The following GPC6 variants were observed in gnomAD, a reference collection of about 807,000 sequenced individuals.
The protein encoded by GPC6 is glypican 6.
A neutral mutation model predicts 55.2 loss-of-function variants in GPC6; 14 were observed. That is an observed-to-expected ratio of 0.25 (90% CI 0.17 to 0.40). The LOEUF is 0.40. Among genes scored for constraint, GPC6 ranks in the 10% least tolerant of loss-of-function variants. GPC6 has a pLI of 1.00. For synonymous variants in GPC6, 278 were observed against 259.6 expected, an observed-to-expected ratio of 1.07 and a Z score of -0.68; for missense variants, 641 against 708.5, an observed-to-expected ratio of 0.90 and a Z score of 1.08.
chr13:93,593,904 G>A (rs935731428), intron 2 of GPC6, among the ~76,000 whole-genome samples: 1 of 151,944 alleles, frequency 6.6e-6, no homozygotes, highest in Non-Finnish European at 1.5e-5. Flanking sequence ...TATTTTGGGA[G>A]TATGCTGAAA....
intron 6 of GPC6, among the ~76,000 whole-genome samples, chr13:94,363,825 A>C (rs1161018804): frequency 6.6e-6 from 1 of 152,238 alleles, no homozygotes; most frequent in Non-Finnish European, 1.5e-5. Context: ...ATGTGTGACT[A>C]TTGAGCAATG....
chr13:93,516,800 C>T (rs1881215507), intron 1 of GPC6, among the ~76,000 whole-genome samples: 1 of 150,836 alleles, frequency 6.6e-6, no homozygotes. Flanking sequence ...CCTGTGGGCT[C>T]CTCTGAATTT....
intron 3 of GPC6, among the ~76,000 whole-genome samples, chr13:93,967,033 T>C (rs974130966): frequency 1.3e-5 from 2 of 152,128 alleles, no homozygotes; most frequent in African/African-American, 4.8e-5. Flanking sequence ...AAAATTTGGA[T>C]GGTAAGGCAG....
chr13:94,027,910 A>G lies in GPC6; in HGVS notation c.877+16A>G. 6.2e-7 allele frequency: 1 copy of G among 1,611,734 alleles called. No homozygotes were observed. The highest frequency in any genetic ancestry group is 8.5e-7 in the Non-Finnish European group (1 of 1,177,894). ...CTGTTTATAGGTAAGAAGTGTTTAA[A>G]TGGATCCGAGAACAGAGACGGGACA... On this transcript the variant is annotated intron_variant, in intron 4 of 8. Transcript: ENST00000377047.
Position 93,930,522 on chromosome 13 carries a change from C to T in GPC6, c.712-97207C>T, listed in dbSNP as rs186856088. Among the ~76,000 whole-genome samples, 288 of 152,138 alleles carry T rather than the reference C, an allele frequency of 1.9e-3. 1 individual carries two copies. The highest frequency in any genetic ancestry group is 2.5e-3 in the Non-Finnish European group (169 of 68,002). Reference sequence around the variant, plus strand: ...CTGACCTCAAGTGATCCACCCACCACGGCCTCCCAATATTCTGGGATTGCA... The same window carrying T: ...CTGACCTCAAGTGATCCACCCACCATGGCCTCCCAATATTCTGGGATTGCA... On this transcript the variant is annotated intron_variant, in intron 3 of 8. Transcript: ENST00000377047.
At chr13:93,895,245 T>C (rs1250199638) in intron 3 of GPC6, among the ~76,000 whole-genome samples, 1 of 61,690 alleles carries the variant, frequency 1.6e-5, no homozygotes, top group African/African-American at 5.7e-5. Context: ...TATATATATA[T>C]ATATATATAT....
In GPC6 at chr13:94,403,500, G is replaced by T. The variant is rs1370891809; in HGVS notation, c.*283G>T. On this transcript the variant is annotated 3_prime_UTR_variant, in exon 9 of 9. Transcript: ENST00000377047. Reference sequence around the variant, plus strand: ...CCAGGAGATTTTCTTACCTTCATTTGCTTTTATGCTGCAGAAGTAAAGGAA... The same window carrying T: ...CCAGGAGATTTTCTTACCTTCATTTTCTTTTATGCTGCAGAAGTAAAGGAA... 6.8e-6 allele frequency: 3 copies of T among 441,554 alleles called. No individual in the cohort carries two copies. The highest frequency in any genetic ancestry group is 6.0e-5 in the African/African-American group (3 of 49,786). The allele number at this position is 441,554 out of a possible 1,614,324, so 27.4% of individuals were successfully genotyped here. A position where few individuals can be genotyped will look rare whatever the true frequency, so the allele number is the denominator to read the frequency against.
chr13:93,296,876 G>A (rs1358953862), intron 1 of GPC6, among the ~76,000 whole-genome samples: 1 of 152,146 alleles, frequency 6.6e-6, no homozygotes, highest in Non-Finnish European at 1.5e-5. Context: ...AGGAGTCGTA[G>A]CCATCCAAAG....
At chr13:93,900,125 G>A (rs747678470) in intron 3 of GPC6, among the ~76,000 whole-genome samples, 2 of 151,776 alleles carry the variant, frequency 1.3e-5, no homozygotes, top group South Asian at 2.1e-4. Flanking sequence ...TCATTTTGCC[G>A]GACTATCTGT....
At chr13:94,296,784 G>C (rs747684480) in intron 5 of GPC6, among the ~76,000 whole-genome samples, 13 of 152,166 alleles carry the variant, frequency 8.5e-5, no homozygotes, top group Admixed American at 2.0e-4. Context: ...ACTGAACACA[G>C]AGTAGAACAC....
intron 3 of GPC6, among the ~76,000 whole-genome samples, chr13:93,999,081 C>G (rs1309677915): frequency 6.6e-6 from 1 of 152,012 alleles, no homozygotes; most frequent in Non-Finnish European, 1.5e-5. Context: ...GCAGAATGTG[C>G]AGTTTTGTTA....
In GPC6 at chr13:93,784,092, A is replaced by G. The variant is rs145025404; in HGVS notation, c.320-46062A>G. ...GTGTCCCTATGCCTAAGGTACTGCT[A>G]TGTACATAAAGCAGTACCTATACAG... On this transcript the variant is annotated intron_variant, in intron 2 of 8. Transcript: ENST00000377047. 8.5e-5 allele frequency among the ~76,000 whole-genome samples: 13 copies of G among 152,298 alleles called. No individual in the cohort carries two copies. The East Asian group carries it at 2.3e-3, about 27-fold the overall frequency.
intron 1 of GPC6, among the ~76,000 whole-genome samples, chr13:93,325,700 T>C (rs999714961): frequency 5.5e-4 from 83 of 152,244 alleles, no homozygotes; most frequent in East Asian, 5.8e-4. Context: ...CAAACTGCCC[T>C]TGTACTCCTT....
At chr13:94,258,107 C>A (rs748940154) in intron 4 of GPC6, among the ~76,000 whole-genome samples, 4 of 152,086 alleles carry the variant, frequency 2.6e-5, no homozygotes, top group Non-Finnish European at 2.9e-5. Context: ...CATAGGCAAT[C>A]ATATACAAAG....
At chr13:93,815,327 T>A (rs1209368745) in intron 2 of GPC6, among the ~76,000 whole-genome samples, 2 of 152,156 alleles carry the variant, frequency 1.3e-5, no homozygotes, top group African/African-American at 4.8e-5. Context: ...TGGGGAGACT[T>A]TTGTGAATGA....
intron 7 of GPC6, among the ~76,000 whole-genome samples, chr13:94,386,139 G>C (rs140660388): frequency 1.2e-3 from 181 of 151,266 alleles, no homozygotes; most frequent in African/African-American, 2.5e-3. Flanking sequence ...GCGGGCGGAT[G>C]ATGAGGTCAG....
chr13:94,357,568 G>A (rs567508804), intron 6 of GPC6, among the ~76,000 whole-genome samples: 4 of 152,238 alleles, frequency 2.6e-5, no homozygotes, highest in East Asian at 1.9e-4. Flanking sequence ...TGCCTCCCTC[G>A]CTCCTTGAAC....
intron 3 of GPC6, among the ~76,000 whole-genome samples, chr13:93,850,650 C>T (rs1353309643): frequency 6.6e-6 from 1 of 151,702 alleles, no homozygotes; most frequent in African/African-American, 2.4e-5. Context: ...TATATCATGA[C>T]CGTAATATGA....
In GPC6 at chr13:93,360,329, G is replaced by A. The variant is rs532075202; in HGVS notation, c.160+132713G>A. On this transcript the variant is annotated intron_variant, in intron 1 of 8. Coordinates refer to ENST00000377047, the MANE Select transcript of GPC6 (RefSeq NM_005708.5). Reference sequence around the variant, plus strand: ...AAAGTGGATGACAAGGGAGATGGGAGACAGGAGTCAGAGGTGGCAGAACAG... The same window carrying A: ...AAAGTGGATGACAAGGGAGATGGGAAACAGGAGTCAGAGGTGGCAGAACAG... Among the ~76,000 whole-genome samples the A allele has an allele frequency of 7.9e-5, 12 of 152,276 alleles. 1 individual carries two copies. The South Asian group carries it at 2.5e-3, about 32-fold the overall frequency.
Sources: allele counts gnomAD v4.1 joint callset (sites outside exome capture counted in the v4.1 genomes callset), GRCh38; gene constraint gnomAD v4.1.1; transcripts MANE v1.5; gene names NCBI Gene and HGNC (gene_info 2026-07-23, HGNC 2026-07-21).